Variants in PTPRN observed in about 807,000 individuals in gnomAD.
PTPRN encodes receptor-type tyrosine-protein phosphatase-like N.
Under a neutral mutation model 108.5 loss-of-function variants are expected in PTPRN, and 70 were observed. That is an observed-to-expected ratio of 0.65 (90% CI 0.53 to 0.79). The LOEUF (loss-of-function observed/expected upper bound fraction) is 0.79, where lower values mean the gene tolerates loss of function less well. PTPRN is among the 30% of genes least tolerant of loss of function. The pLI, the probability that PTPRN is intolerant of heterozygous loss-of-function variation, is 0.00. For missense variants in PTPRN, 1,136 were observed against 1,295.5 expected (o/e 0.88, Z 1.89); for synonymous variants, 496 against 524.6 (o/e 0.95, Z 0.75).
chr2:219,302,457 C>T lies in PTPRN; in HGVS notation c.674G>A (p.Gly225Asp). 1 of 1,613,942 alleles carries T rather than the reference C, an allele frequency of 6.2e-7. No individual in the cohort carries two copies. Among genetic ancestry groups the T allele is most frequent in the South Asian group, 1.1e-5 (1 of 91,058 alleles). The part of the protein sequence containing the change: ...GSRDGSRVSE[G>D]SPGMVSVGPL... ...GCCGACACTGACCATCCCTGGGGAG[C>T]CCTCTGAGACCCTGGAGCCATCACG... Residue 225 changes from glycine (G) to aspartate (D), a missense_variant, in exon 6 of 23, where the codon GGC (glycine) becomes GAC (aspartate). Physicochemically the swap from Gly to Asp is moderately conservative, Grantham distance 94. Transcript: ENST00000295718.
At chr2:219,305,937 G>A (rs1412837381) in intron 3 of PTPRN, among the ~76,000 whole-genome samples, 1 of 152,158 alleles carries the variant, frequency 6.6e-6, no homozygotes, top group African/African-American at 2.4e-5. Flanking sequence ...ATCACTTGAG[G>A]TTAGGAGCTC....
chr2:219,307,264 TCCAGAGAGTCCA>T (rs1158855738), intron 3 of PTPRN, 168 bp downstream of exon 3: 1 of 563,118 alleles, frequency 1.8e-6, no homozygotes, highest in Non-Finnish European at 3.1e-6. Flanking sequence ...TCTGGGCTTC[TCCAGAGAGTCCA>T]AATGTGAATA....
chr2:219,295,270 T>A, intron 18 of PTPRN, 129 bp from the exon 19 acceptor site: 9 of 993,558 alleles, frequency 9.1e-6, no homozygotes, highest in Non-Finnish European at 1.3e-5. Context: ...AAATTCTAAG[T>A]TCCAGCGGTC....
chr2:219,290,864 T>C lies in PTPRN; in HGVS notation c.2756A>G (p.Tyr919Cys). 1.2e-6 allele frequency: 2 copies of C among 1,613,964 alleles called. No individual in the cohort carries two copies. Among genetic ancestry groups the C allele is most frequent in the Non-Finnish European group, 1.7e-6 (2 of 1,179,968 alleles). The change falls in exon 21 of 23, where the codon TAC becomes TGC. Residue 919 changes from tyrosine to cysteine, a missense_variant. By Grantham distance (194) the Tyr-to-Cys change is radical. Transcript: ENST00000295718. This position sits in a 1 kb window ranked among gnomAD's most constrained non-coding sequence, Gnocchi z 4.2. ...GTTCAGGACCATGTCGATGAGGATG[T>C]AGGTGCCGGTCCTCCCCGCACCATC... ...CSDGAGRTGT[Y>C]ILIDMVLNRM...
Position 219,289,957 on chromosome 2 carries a change from G to T in PTPRN, c.*269C>A. ...AGGCCAGGGAATGTAGGCAGGAGAA[G>T]GCTCTGGGTAGAATTGCTACCCATG... is the stretch of plus-strand genomic sequence containing the variant. On this transcript the variant is annotated 3_prime_UTR_variant, in exon 23 of 23. Coordinates refer to ENST00000295718, the MANE Select transcript of PTPRN (RefSeq NM_002846.4). 2.1e-6 allele frequency: 1 copy of T among 472,084 alleles called. No individual in the cohort carries two copies. The highest frequency in any genetic ancestry group is 3.9e-6 in the Non-Finnish European group (1 of 258,990). 29.2% of individuals were successfully genotyped at this position (472,084 alleles called of 1,614,324 possible). A position where few individuals can be genotyped will look rare whatever the true frequency, so the allele number is the denominator to read the frequency against.
intron 19 of PTPRN, among the ~76,000 whole-genome samples, chr2:219,293,697 G>A (rs1489206571): frequency 6.6e-6 from 1 of 152,174 alleles, no homozygotes; most frequent in Non-Finnish European, 1.5e-5. Flanking sequence ...AGGCCTCAGG[G>A]ACCCCAGTTA....
intron 2 of PTPRN, 60 bp from the exon 3 acceptor site, chr2:219,307,617 G>T: frequency 6.6e-7 from 1 of 1,514,034 alleles, no homozygotes; most frequent in Non-Finnish European, 9.1e-7. Flanking sequence ...CAAAGTCCAG[G>T]TTGCAAATGG....
chr2:219,296,724 G>A lies in PTPRN; in HGVS notation c.2310+25C>T, dbSNP rs750468583. The A allele has an allele frequency of 3.7e-6, 6 of 1,612,264 alleles. No individual in the cohort carries two copies. The Admixed American group carries it at 1.0e-4, about 27-fold the overall frequency. ...GCCAGGATAATGATGGGGCAGAGGT[G>A]GGGGCTGGAGTCAGGGCCACTCACA... On this transcript the variant is annotated intron_variant, in intron 16 of 22. Transcript: ENST00000295718. This position sits in a 1 kb window ranked among gnomAD's most constrained non-coding sequence, Gnocchi z 6.0.
Position 219,297,726 on chromosome 2 carries a change from T to G in PTPRN, c.1887+159A>C, listed in dbSNP as rs1384255338. 1.3e-5 allele frequency among the ~76,000 whole-genome samples: 2 copies of G among 152,140 alleles called. No individual in the cohort carries two copies. Among genetic ancestry groups the G allele is most frequent in the East Asian group, 3.9e-4 (2 of 5,190 alleles). ...ATTCCCATGCGTTCATAAAGGCCCC[T>G]ACCATACTCCCTCCCACTGGGGCTT... On this transcript the variant is annotated intron_variant, in intron 13 of 22. Coordinates refer to ENST00000295718, the MANE Select transcript of PTPRN (RefSeq NM_002846.4). The surrounding 1 kb of genome is among the most constrained non-coding windows in gnomAD (Gnocchi z 6.0).
At chr2:219,293,426 C>T (rs1169421994) in intron 19 of PTPRN, among the ~76,000 whole-genome samples, 4 of 152,110 alleles carry the variant, frequency 2.6e-5, no homozygotes, top group Admixed American at 2.6e-4. Flanking sequence ...GTGATCCACC[C>T]ACCTCGGCCT....
Position 219,290,353 on chromosome 2 carries a change from T to G in PTPRN, c.2869-56A>C. 2 of 983,914 alleles carry G rather than the reference T, an allele frequency of 2.0e-6. No homozygotes were observed. Among genetic ancestry groups the G allele is most frequent in the Non-Finnish European group, 3.2e-6 (2 of 630,868 alleles). 60.9% of individuals were successfully genotyped at this position (983,914 alleles called of 1,614,324 possible). Reference sequence around the variant, plus strand: ...GAGAGGGCTGACCTGTGCTCTGCCCTCAAGATGGGGGGCTTTTGGTGGGGG... The same window carrying G: ...GAGAGGGCTGACCTGTGCTCTGCCCGCAAGATGGGGGGCTTTTGGTGGGGG... On this transcript the variant is annotated intron_variant, in intron 22 of 22. Transcript: ENST00000295718. The surrounding 1 kb of genome is among the most constrained non-coding windows in gnomAD (Gnocchi z 4.2).
At position 219,291,480 on chromosome 2, in the gene PTPRN, C is replaced by A; in HGVS notation, c.2719G>T (p.Val907Leu). The A allele has an allele frequency of 6.2e-7, 1 of 1,613,930 alleles. No homozygotes were observed. The highest frequency in any genetic ancestry group is 8.5e-7 in the Non-Finnish European group (1 of 1,179,944). ...CYRGRSCPIIVHCSDGAGRTG... is the reference protein window; with the variant it reads ...CYRGRSCPIILHCSDGAGRTG... The stretch of plus-strand genomic sequence containing the variant: ...CTCCTCTCCACCCACCTGCAGTGCA[C>A]GATGATGGGGCAGGAGCGGCCCCGG... Residue 907 changes from valine to leucine, a missense_variant, in exon 20 of 23, where the codon GTG becomes TTG. Physicochemically the swap from Val to Leu is conservative, Grantham distance 32. Transcript: ENST00000295718.
rs1297551255 is a variant in PTPRN at position 219,296,668 on chromosome 2, C to G, written c.2310+81G>C. The G allele has an allele frequency of 1.3e-6, 2 of 1,575,214 alleles. No individual in the cohort carries two copies. Among genetic ancestry groups the G allele is most frequent in the Non-Finnish European group, 1.7e-6 (2 of 1,152,296 alleles). On this transcript the variant is annotated intron_variant, in intron 16 of 22. Coordinates refer to ENST00000295718, the MANE Select transcript of PTPRN (RefSeq NM_002846.4). The surrounding 1 kb of genome is among the most constrained non-coding windows in gnomAD (Gnocchi z 6.0). ...CCACTCCAGGGGGTTGGTGGGGTGG[C>G]AGGTGACCACGGGGAAATGGAGTGC...
chr2:219,296,491 G>C lies in PTPRN; in HGVS notation c.2336C>G (p.Ala779Gly). ...CAGCGGGCCCTGCGTGGCTATGTAG[G>C]CTGGCATCCGAGGGTCATGCTCAAT... ...PIIEHDPRMP[A>G]YIATQGPLSH... The change falls in exon 17 of 23, where the codon GCC (alanine) becomes GGC (glycine). Residue 779 changes from alanine to glycine, a missense_variant. Transcript: ENST00000295718. This position sits in a 1 kb window ranked among gnomAD's most constrained non-coding sequence, Gnocchi z 6.0. The C allele has an allele frequency of 6.2e-7, 1 of 1,614,150 alleles. No individual in the cohort carries two copies. The highest frequency in any genetic ancestry group is 8.5e-7 in the Non-Finnish European group (1 of 1,180,028).
chr2:219,299,786 C>A lies in PTPRN; in HGVS notation c.1437G>T (p.Lys479Asn). The A allele has an allele frequency of 1.9e-6, 3 of 1,605,856 alleles. No individual in the cohort carries two copies. The highest frequency in any genetic ancestry group is 2.6e-6 in the Non-Finnish European group (3 of 1,174,734). The change falls in exon 10 of 23, where the codon AAG becomes AAT. Residue 479 changes from lysine to asparagine, a missense_variant and splice_region_variant. By Grantham distance (94) the Lys-to-Asn change is moderately conservative (BLOSUM62 0). Coordinates refer to ENST00000295718, the MANE Select transcript of PTPRN (RefSeq NM_002846.4). ...TCACTCCTGCAGCCAGGCTCAGGGG[C>A]CTGGAGATGGGAGAAGGCAGAGGAA... ...EEYGYIVTDQ[K>N]PLSLAAGVKL...
Position 219,296,694 on chromosome 2 carries a change from A to T in PTPRN, c.2310+55T>A. 6.2e-7 allele frequency: 1 copy of T among 1,601,540 alleles called. No homozygotes were observed. The highest frequency in any genetic ancestry group is 1.3e-5 in the African/African-American group (1 of 74,634). On this transcript the variant is annotated intron_variant, in intron 16 of 22. Transcript: ENST00000295718. This position sits in a 1 kb window ranked among gnomAD's most constrained non-coding sequence, Gnocchi z 6.0. Reference sequence around the variant, plus strand: ...AGGTGACCACGGGGAAATGGAGTGCATAGGGCCAGGATAATGATGGGGCAG... The same window carrying T: ...AGGTGACCACGGGGAAATGGAGTGCTTAGGGCCAGGATAATGATGGGGCAG...
chr2:219,291,830 G>T (rs1952061538), intron 19 of PTPRN: 2 of 469,522 alleles, frequency 4.3e-6, no homozygotes, highest in Admixed American at 3.6e-5. Flanking sequence ...AACCTCCTTA[G>T]GGTTCTTACA....
chr2:219,295,131 A>G lies in PTPRN; in HGVS notation c.2519T>C (p.Val840Ala), dbSNP rs1952156818. The stretch of plus-strand genomic sequence containing the variant: ...GTCCTCGCACCAGATGTGCTCCGAC[A>G]CCAGGTTCACCTGCCCGGCAGGGGC... The part of the protein sequence containing the change: ...SLYHVYEVNL[V>A]SEHIWCEDFL... The change falls in exon 19 of 23, where the codon GTG becomes GCG. Residue 840 changes from valine to alanine, a missense_variant. Physicochemically the swap from Val to Ala is moderately conservative, Grantham distance 64. Transcript: ENST00000295718. The G allele has an allele frequency of 1.2e-6, 2 of 1,610,168 alleles. No individual in the cohort carries two copies. Among genetic ancestry groups the G allele is most frequent in the Non-Finnish European group, 1.7e-6 (2 of 1,178,340 alleles).
At chr2:219,295,293 G>GAA in intron 18 of PTPRN, 152 bp from the exon 19 acceptor site, 1 of 760,242 alleles carries the variant, frequency 1.3e-6, no homozygotes, top group Non-Finnish European at 2.1e-6. Context: ...AGGAACCCTG[G>GAA]CTGCCTGTCA....
Sources: gnomAD v4.1 joint callset for allele counts (sites outside exome capture counted in the v4.1 genomes callset) on GRCh38, gnomAD v4.1.1 for gene constraint, Gnocchi (gnomAD v3.1) non-coding constraint, MANE v1.5 for transcripts, NCBI Gene and HGNC (gene_info 2026-07-23, HGNC 2026-07-21) for gene names.